The following TCHHL1 variants were observed in gnomAD, a reference collection of about 807,000 sequenced individuals.
The protein encoded by TCHHL1 is trichohyalin like 1, also known as trichohyalin-like protein 1.
Under a neutral mutation model 3.5 loss-of-function variants are expected in TCHHL1, and 1 was observed. The observed-to-expected ratio is 0.29, with a 90% CI of 0.10 to 1.36. The LOEUF is 1.36. Ranked by LOEUF, TCHHL1 falls within the 40% of genes most tolerant of loss-of-function variation. The pLI is 0.43. For missense variants in TCHHL1, 1,027 were observed against 1,032.8 expected, an observed-to-expected ratio of 0.99 and a Z score of 0.08; for synonymous variants, 405 against 375.3, an observed-to-expected ratio of 1.08 and a Z score of -0.92.
chr1:152,085,658 G>A lies in TCHHL1; in HGVS notation c.2024C>T (p.Ala675Val), dbSNP rs1016149764. 8.7e-6 allele frequency: 14 copies of A among 1,614,010 alleles called. No individual in the cohort carries two copies. The highest frequency in any genetic ancestry group is 1.2e-5 in the Non-Finnish European group (14 of 1,180,044). The part of the protein sequence containing the change: ...RKSLEIEITG[A>V]LDEDFTDQLS... ...CTGGTCAGTGAAGTCTTCATCCAGG[G>A]CACCTGTGATCTCTATTTCCAGGGA... The change falls in exon 3 of 3, where the codon GCC (alanine) becomes GTC (valine). Residue 675 changes from alanine to valine, a missense_variant. This residue lies in a region of TCHHL1 where 673 missense variants were observed against 658.6 expected (regional missense o/e 1.02). Coordinates refer to ENST00000368806, the MANE Select transcript of TCHHL1 (RefSeq NM_001008536.2).
chr1:152,087,502 C>A lies in TCHHL1; in HGVS notation c.180G>T (p.Leu60=). 6.3e-7 allele frequency: 1 copy of A among 1,599,850 alleles called. No homozygotes were observed. The highest frequency in any genetic ancestry group is 1.1e-5 in the South Asian group (1 of 90,832). ...TGATGATGCCATTACTGTCAATATT[C>A]AGAAGATTTGAATTTTTTTCCACAG... ...LHAVEKNSNL[L]NIDSNGIISF... The change falls in exon 3 of 3, where the codon CTG becomes CTT. Residue 60 remains leucine, a synonymous_variant. Coordinates refer to ENST00000368806, the MANE Select transcript of TCHHL1 (RefSeq NM_001008536.2).
At position 152,086,209 on chromosome 1, in the gene TCHHL1, C is replaced by A; in HGVS notation, c.1473G>T (p.Arg491Ser). The A allele has an allele frequency of 6.2e-7, 1 of 1,614,178 alleles. No homozygotes were observed. Among genetic ancestry groups the A allele is most frequent in the South Asian group, 1.1e-5 (1 of 91,084 alleles). ...VNSKNAPAAE[R>S]TLGARERTQD... ...GTGTTCTTTCTCTTGCCCCCAGTGT[C>A]CTTTCTGCTGCAGGTGCGTTTTTGC... Residue 491 changes from arginine to serine, a missense_variant, in exon 3 of 3, where the codon AGG becomes AGT. Transcript: ENST00000368806.
rs1439399331 is a variant in TCHHL1 at position 152,087,149 on chromosome 1, G to A, written c.533C>T (p.Pro178Leu). Reference protein sequence around the residue: ...FPGEASEHNDPKNKHLEGDEQ... With the variant: ...FPGEASEHNDLKNKHLEGDEQ... ...ATCTCCTTCCAGGTGTTTGTTCTTA[G>A]GATCATTGTGTTCAGATGCTTCTCC... Residue 178 changes from proline (P) to leucine (L), a missense_variant, in exon 3 of 3, where the codon CCT becomes CTT. By Grantham distance (98) the Pro-to-Leu change is moderately conservative. Transcript: ENST00000368806. 1 of 1,614,132 alleles carries A rather than the reference G, an allele frequency of 6.2e-7. No individual in the cohort carries two copies. Among genetic ancestry groups the A allele is most frequent in the Non-Finnish European group, 8.5e-7 (1 of 1,180,026 alleles).
rs773531481 is a variant in TCHHL1 at position 152,088,170 on chromosome 1, G to C, written c.-20-7C>G. ...TTTACAAACTCAGGAGAGGCTGTGA[G>C]AAAGAATAAACAAAGCTCATTTTCC... is the stretch of plus-strand genomic sequence containing the variant. On this transcript the variant is annotated splice_polypyrimidine_tract_variant and splice_region_variant and intron_variant, in intron 1 of 2. Transcript: ENST00000368806. The C allele has an allele frequency of 6.5e-7, 1 of 1,528,158 alleles. No homozygotes were observed. Among genetic ancestry groups the C allele is most frequent in the African/African-American group, 1.4e-5 (1 of 72,038 alleles). The allele number at this position is 1,528,158 out of a possible 1,614,324, so 94.7% of individuals were successfully genotyped here.
Position 152,085,566 on chromosome 1 carries a change from T to C in TCHHL1, c.2116A>G (p.Ser706Gly), listed in dbSNP as rs138170974. The C allele has an allele frequency of 5.6e-6, 9 of 1,614,150 alleles. No homozygotes were observed. The highest frequency in any genetic ancestry group is 1.3e-5 in the African/African-American group (1 of 74,952). ...GTTGCTCTTCCTTTCTCTTCTTTGCTACTTGGGCCTTGGACCTTTAATTCA... is the reference window on the plus strand; with the variant it reads ...GTTGCTCTTCCTTTCTCTTCTTTGCCACTTGGGCCTTGGACCTTTAATTCA... ...RNELKVQGPS[S>G]KEEKGRATEA... The change falls in exon 3 of 3, where the codon AGC (serine) becomes GGC (glycine). Residue 706 changes from serine to glycine, a missense_variant. Coordinates refer to ENST00000368806, the MANE Select transcript of TCHHL1 (RefSeq NM_001008536.2).
At position 152,087,563 on chromosome 1, in the gene TCHHL1, G is replaced by A; in HGVS notation, c.139-20C>T. 1.3e-6 allele frequency: 2 copies of A among 1,567,552 alleles called. No homozygotes were observed. Among genetic ancestry groups the A allele is most frequent in the Non-Finnish European group, 1.7e-6 (2 of 1,166,072 alleles). On this transcript the variant is annotated intron_variant, in intron 2 of 2. Coordinates refer to ENST00000368806, the MANE Select transcript of TCHHL1 (RefSeq NM_001008536.2). ...ACAGGGCTGCATGAAAACACAGTGA[G>A]AAATCAGCTTATTTATATGTGGTCC...
At position 152,087,043 on chromosome 1, in the gene TCHHL1, T is replaced by C; in HGVS notation, c.639A>G (p.Ala213=). ...TGGGACTGCTGGTCTTTTTTGATCC[T>C]GCCATTGGCTTATTTGTCTTAAGTT... ...EGQLKTNKPM[A]GSKKTSSPTE... Residue 213 remains alanine (A), a synonymous_variant, in exon 3 of 3, where the codon GCA becomes GCG. Transcript: ENST00000368806. 2 of 1,614,204 alleles carry C rather than the reference T, an allele frequency of 1.2e-6. No homozygotes were observed. The highest frequency in any genetic ancestry group is 8.5e-7 in the Non-Finnish European group (1 of 1,180,032).
chr1:152,087,664 G>A (rs1657759191), intron 2 of TCHHL1, 121 bp from the exon 3 acceptor site: 1 of 1,073,996 alleles, frequency 9.3e-7, no homozygotes, highest in African/African-American at 1.6e-5. Flanking sequence ...TCCCAGAACA[G>A]CAAGAACTTA....
At chr1:152,088,233 C>T in intron 1 of TCHHL1, 70 bp from the exon 2 acceptor site, 1 of 1,392,220 alleles carries the variant, frequency 7.2e-7, no homozygotes, top group Non-Finnish European at 9.6e-7. Flanking sequence ...CAAGATTATC[C>T]TTTTTGTTCC....
At position 152,086,470 on chromosome 1, in the gene TCHHL1, C is replaced by G; in HGVS notation, c.1212G>C (p.Gly404=). ...RRGPEAHGTA[G]QKERDRKTRP... ...GAGTTTTTCTGTCACGTTCTTTCTG[C>G]CCTGCTGTTCCATGGGCCTCAGGAC... is the stretch of plus-strand genomic sequence containing the variant. The change falls in exon 3 of 3, where the codon GGG becomes GGC. Residue 404 remains glycine, a synonymous_variant. Transcript: ENST00000368806. 1.9e-6 allele frequency: 3 copies of G among 1,614,158 alleles called. No homozygotes were observed. Among genetic ancestry groups the G allele is most frequent in the Non-Finnish European group, 1.7e-6 (2 of 1,180,018 alleles).
In TCHHL1 at chr1:152,085,925, C is replaced by G. The variant is rs1323501350; in HGVS notation, c.1757G>C (p.Gly586Ala). Residue 586 changes from glycine (G) to alanine (A), a missense_variant, in exon 3 of 3, where the codon GGA becomes GCA. Transcript: ENST00000368806. ...GGTATCTGGGTTATTATTGTGACCT[C>G]CTTGCACAGACTCTCCATGTTGGTC... The part of the protein sequence containing the change: ...QGDQHGESVQ[G>A]GHNNNPDTQR... 3 of 1,614,210 alleles carry G rather than the reference C, an allele frequency of 1.9e-6. No individual in the cohort carries two copies. The highest frequency in any genetic ancestry group is 2.5e-6 in the Non-Finnish European group (3 of 1,180,036).
intron 2 of TCHHL1, 122 bp downstream of exon 2, chr1:152,087,884 A>G (rs1657763997): frequency 8.1e-7 from 1 of 1,231,600 alleles, no homozygotes; most frequent in African/African-American, 1.5e-5. Flanking sequence ...TTCAAGAGAC[A>G]GTGAGTGCTG....
Position 152,085,528 on chromosome 1 carries a change from A to C in TCHHL1, c.2154T>G (p.Asn718Lys). The C allele has an allele frequency of 6.2e-7, 1 of 1,614,090 alleles. No homozygotes were observed. Among genetic ancestry groups the C allele is most frequent in the Non-Finnish European group, 8.5e-7 (1 of 1,179,958 alleles). Residue 718 changes from asparagine to lysine, a missense_variant, in exon 3 of 3, where the codon AAT becomes AAG. Physicochemically the swap from Asn to Lys is moderately conservative, Grantham distance 94. Transcript: ENST00000368806. ...EEKGRATEAQ[N>K]TLLESLDEDN... ...CCTCATCTAGACTTTCTAACAGAGT[A>C]TTCTGGGCCTCTGTTGCTCTTCCTT...
At position 152,085,244 on chromosome 1, in the gene TCHHL1, G is replaced by A; in HGVS notation, c.2438C>T (p.Thr813Ile). The A allele has an allele frequency of 6.2e-7, 1 of 1,614,222 alleles. No homozygotes were observed. Among genetic ancestry groups the A allele is most frequent in the South Asian group, 1.1e-5 (1 of 91,086 alleles). The change falls in exon 3 of 3, where the codon ACA becomes ATA. Residue 813 changes from threonine (T) to isoleucine (I), a missense_variant. This residue lies in a region of TCHHL1 where 673 missense variants were observed against 658.6 expected (regional missense o/e 1.02). Coordinates refer to ENST00000368806, the MANE Select transcript of TCHHL1 (RefSeq NM_001008536.2). Reference sequence around the variant, plus strand: ...TTGATGCTCCTCTTGGGTTACATTTGTTTGCTGCAGTATCTTCTCCTGTAG... The same window carrying A: ...TTGATGCTCCTCTTGGGTTACATTTATTTGCTGCAGTATCTTCTCCTGTAG... ...QYLQEKILQQTNVTQEEHQKQ... is the reference protein window; with the variant it reads ...QYLQEKILQQINVTQEEHQKQ...
In TCHHL1 at chr1:152,086,935, GTC is replaced by G; in HGVS notation, c.745_746del (p.Asp249ProfsTer25). On this transcript the variant is annotated frameshift_variant, in exon 3 of 3. Transcript: ENST00000368806. LOFTEE classifies it low-confidence loss of function (END_TRUNC). ...AGTTTCCTTCCTGTTCTCCAAACTG[GTC>G]TCTTATCTTGGAAACACTTTGCTCT... The part of the protein sequence containing the change: ...AREQSVSKIR[D>X]QFGEQEGNLA... The G allele has an allele frequency of 6.2e-7, 1 of 1,614,000 alleles. No individual in the cohort carries two copies. Among genetic ancestry groups the G allele is most frequent in the Non-Finnish European group, 8.5e-7 (1 of 1,180,006 alleles).
In TCHHL1 at chr1:152,086,943, T is replaced by C; in HGVS notation, c.739A>G (p.Ile247Val). The C allele has an allele frequency of 5.6e-6, 9 of 1,614,206 alleles. No homozygotes were observed. Among genetic ancestry groups the C allele is most frequent in the South Asian group, 1.1e-5 (1 of 91,076 alleles). The change falls in exon 3 of 3, where the codon ATA becomes GTA. Residue 247 changes from isoleucine to valine, a missense_variant. By Grantham distance (29) the Ile-to-Val change is conservative. This residue lies in a region of TCHHL1 where 338 missense variants were observed against 335.9 expected (regional missense o/e 1.01). Coordinates refer to ENST00000368806, the MANE Select transcript of TCHHL1 (RefSeq NM_001008536.2). ...TCCTGTTCTCCAAACTGGTCTCTTATCTTGGAAACACTTTGCTCTCTGGCT... is the reference window on the plus strand; with the variant it reads ...TCCTGTTCTCCAAACTGGTCTCTTACCTTGGAAACACTTTGCTCTCTGGCT... ...EPAREQSVSK[I>V]RDQFGEQEGN...
chr1:152,085,029 GCTTATCTTC>G lies in TCHHL1; in HGVS notation c.2644_2652del (p.Glu882_Lys884del). The G allele has an allele frequency of 6.2e-7, 1 of 1,614,090 alleles. No individual in the cohort carries two copies. Among genetic ancestry groups the G allele is most frequent in the Non-Finnish European group, 8.5e-7 (1 of 1,180,014 alleles). Reference sequence around the variant, plus strand: ...AGCCTCTCTCTCTGAGGGTGACCTTGCTTATCTTCCAAGGCCTGGGGAGCTGGTGTTTCC... The same window carrying G: ...AGCCTCTCTCTCTGAGGGTGACCTTGCAAGGCCTGGGGAGCTGGTGTTTCC... On this transcript the variant is annotated inframe_deletion, in exon 3 of 3. Transcript: ENST00000368806.
Position 152,086,519 on chromosome 1 carries a change from C to T in TCHHL1, c.1163G>A (p.Arg388Lys), listed in dbSNP as rs771556322. The T allele has an allele frequency of 8.7e-6, 14 of 1,614,172 alleles. No individual in the cohort carries two copies. The highest frequency in any genetic ancestry group is 1.6e-4 in the Middle Eastern group (1 of 6,062). ...SRNGSETSDMRDERKERRGPE... is the reference protein window; with the variant it reads ...SRNGSETSDMKDERKERRGPE... ...ACCTCTCCTCTCTTTCCTTTCATCT[C>T]TCATGTCAGATGTTTCTGAACCATT... is the stretch of plus-strand genomic sequence containing the variant. Residue 388 changes from arginine (R) to lysine (K), a missense_variant, in exon 3 of 3, where the codon AGA becomes AAA. Physicochemically the swap from Arg to Lys is conservative, Grantham distance 26. Coordinates refer to ENST00000368806, the MANE Select transcript of TCHHL1 (RefSeq NM_001008536.2).
rs1380517533 is a variant in TCHHL1, at chr1:152,086,457, C to G, written c.1225G>C (p.Asp409His). ...AGGACTAGTGGCCGAGTTTTTCTGTCACGTTCTTTCTGCCCTGCTGTTCCA... is the reference window on the plus strand; with the variant it reads ...AGGACTAGTGGCCGAGTTTTTCTGTGACGTTCTTTCTGCCCTGCTGTTCCA... ...AHGTAGQKER[D>H]RKTRPLVLET... Residue 409 changes from aspartate to histidine, a missense_variant, in exon 3 of 3, where the codon GAC becomes CAC. Asp to His is a moderately conservative substitution (Grantham distance 81, BLOSUM62 -1). Coordinates refer to ENST00000368806, the MANE Select transcript of TCHHL1 (RefSeq NM_001008536.2). 1 of 1,614,134 alleles carries G rather than the reference C, an allele frequency of 6.2e-7. No individual in the cohort carries two copies.
Sources: gnomAD v4.1 joint callset for allele counts on GRCh38, gnomAD v4.1.1 for gene constraint, gnomAD v4.1.1 regional missense constraint, MANE v1.5 for transcripts, NCBI Gene and HGNC (gene_info 2026-07-23, HGNC 2026-07-21) for gene names.